Variants in SORL1 observed in about 807,000 individuals in gnomAD.
SORL1 encodes the protein sortilin related receptor 1, also known as sortilin-related receptor.
SORL1 carries 127 observed loss-of-function variants against 273.7 expected under a neutral mutation model. That is an observed-to-expected ratio of 0.46 (90% CI 0.40 to 0.54). The LOEUF (loss-of-function observed/expected upper bound fraction) is 0.54. Among genes scored for constraint, SORL1 ranks in the 20% least tolerant of loss-of-function variants. SORL1 has a pLI of 0.00. For missense variants in SORL1, 2,494 were observed against 2,846.1 expected (o/e 0.88, Z 2.81); for synonymous variants, 1,031 against 1,067.4 (o/e 0.97, Z 0.66).
intron 37 of SORL1, 99 bp downstream of exon 37, chr11:121,607,389 A>G (rs1465830372): frequency 2.1e-5 from 13 of 632,846 alleles, no homozygotes; most frequent in Middle Eastern, 2.5e-4. Context: ...TGTGAGATGC[A>G]TATTAGTAAT....
chr11:121,604,702 A>G (rs1039428988), intron 33 of SORL1, among the ~76,000 whole-genome samples: 2 of 152,100 alleles, frequency 1.3e-5, no homozygotes, highest in Admixed American at 1.3e-4. Context: ...AGCATTCTCT[A>G]TGGAGAAATA....
chr11:121,554,124 G>C lies in SORL1; in HGVS notation c.2439+15G>C. The C allele has an allele frequency of 6.2e-7, 1 of 1,611,404 alleles. No homozygotes were observed. The highest frequency in any genetic ancestry group is 8.5e-7 in the Non-Finnish European group (1 of 1,178,186). On this transcript the variant is annotated intron_variant, in intron 17 of 47. Transcript: ENST00000260197. This position sits in a 1 kb window ranked among gnomAD's most constrained non-coding sequence, Gnocchi z 4.6. ...ACGTCATCCAGGTGAGTCAGCGCTTGGTCTGACTGTGGGAGCTGTGCATCG... is the reference window on the plus strand; with the variant it reads ...ACGTCATCCAGGTGAGTCAGCGCTTCGTCTGACTGTGGGAGCTGTGCATCG...
intron 5 of SORL1, among the ~76,000 whole-genome samples, chr11:121,495,675 A>C (rs1861619043): frequency 6.6e-6 from 1 of 152,098 alleles, no homozygotes; most frequent in Admixed American, 6.6e-5. Context: ...GTTCTTGAGA[A>C]TGTTAGGAGA....
intron 6 of SORL1, among the ~76,000 whole-genome samples, chr11:121,509,473 A>G (rs1591305585): frequency 3.3e-5 from 5 of 152,170 alleles, no homozygotes; most frequent in Admixed American, 3.3e-4. Flanking sequence ...GAATTTATTT[A>G]TTTAATTATT....
chr11:121,465,138 C>A (rs1041266141), intron 1 of SORL1, among the ~76,000 whole-genome samples: 5 of 152,146 alleles, frequency 3.3e-5, no homozygotes, highest in Non-Finnish European at 7.4e-5. Context: ...TGAAATAAAA[C>A]CCCTTACCCA....
At chr11:121,612,878 C>A in intron 40 of SORL1, 46 bp downstream of exon 40, 1 of 1,372,722 alleles carries the variant, frequency 7.3e-7, no homozygotes, top group Non-Finnish European at 1.0e-6. Context: ...AGGGGTAAGG[C>A]TGGACCAATG....
chr11:121,575,126 A>G (rs1862908191), intron 24 of SORL1, among the ~76,000 whole-genome samples: 1 of 152,176 alleles, frequency 6.6e-6, no homozygotes, highest in East Asian at 1.9e-4. Flanking sequence ...TTTAATTTCT[A>G]CTTTCTAAAG....
At chr11:121,599,413 G>A (rs1022252865) in intron 32 of SORL1, among the ~76,000 whole-genome samples, 11 of 152,272 alleles carry the variant, frequency 7.2e-5, no homozygotes, top group East Asian at 3.9e-4. Flanking sequence ...GCATGGCGGC[G>A]CATGCCTGTA....
chr11:121,623,999 G>T (rs946992840), intron 45 of SORL1, among the ~76,000 whole-genome samples: 5 of 152,226 alleles, frequency 3.3e-5, no homozygotes, highest in Admixed American at 2.0e-4. Flanking sequence ...ATCTTACATG[G>T]CGGCAGACAA....
At chr11:121,597,059 C>G (rs1325909552) in intron 32 of SORL1, among the ~76,000 whole-genome samples, 2 of 152,192 alleles carry the variant, frequency 1.3e-5, no homozygotes, top group Admixed American at 6.5e-5. Context: ...ACCACTGAAT[C>G]AAGAGCAATG....
At chr11:121,467,271 T>A (rs1184995058) in intron 1 of SORL1, among the ~76,000 whole-genome samples, 1 of 152,150 alleles carries the variant, frequency 6.6e-6, no homozygotes, top group African/African-American at 2.4e-5. Flanking sequence ...AGAAAAGCCC[T>A]TGGATGTTTT....
At chr11:121,485,811 C>T (rs978009340) in intron 3 of SORL1, among the ~76,000 whole-genome samples, 3 of 152,178 alleles carry the variant, frequency 2.0e-5, no homozygotes, top group Admixed American at 1.3e-4. Context: ...TTTTTTATAA[C>T]ATTGCATTTT....
At chr11:121,559,180 T>A (rs1011625764) in intron 20 of SORL1, among the ~76,000 whole-genome samples, 9 of 152,184 alleles carry the variant, frequency 5.9e-5, no homozygotes, top group African/African-American at 2.2e-4. Context: ...TCCGGTGAGC[T>A]CTGCACCACC....
In SORL1 at chr11:121,558,931, G is replaced by A. The variant is rs1235899644; in HGVS notation, c.2910+94G>A. ...CATCCCTGGGCTTTGCAGAGAAGCTGTTTAACTTCTTAAAGGTTGCCTTTT... is the reference window on the plus strand; with the variant it reads ...CATCCCTGGGCTTTGCAGAGAAGCTATTTAACTTCTTAAAGGTTGCCTTTT... On this transcript the variant is annotated intron_variant, in intron 20 of 47. Transcript: ENST00000260197. 6.7e-6 allele frequency: 10 copies of A among 1,482,994 alleles called. No individual in the cohort carries two copies. In the South Asian group the frequency reaches 8.7e-5, roughly 13 times the overall value. 91.9% of individuals were successfully genotyped at this position (1,482,994 alleles called of 1,614,324 possible).
At chr11:121,537,310 A>G (rs1862280732) in intron 12 of SORL1, among the ~76,000 whole-genome samples, 1 of 152,186 alleles carries the variant, frequency 6.6e-6, no homozygotes, top group African/African-American at 2.4e-5. Flanking sequence ...CTAGACTTGC[A>G]TTATAGAATG....
At position 121,627,054 on chromosome 11, in the gene SORL1, C is replaced by T. The variant is rs1360446123; in HGVS notation, c.6365-501C>T. Reference sequence around the variant, plus strand: ...TTAAGTGAAAAACCTCATAAAACTTCATGAGCTGTTAAGTCTGTATTGTGG... The same window carrying T: ...TTAAGTGAAAAACCTCATAAAACTTTATGAGCTGTTAAGTCTGTATTGTGG... On this transcript the variant is annotated intron_variant, in intron 46 of 47. Transcript: ENST00000260197. The surrounding 1 kb of genome is among the most constrained non-coding windows in gnomAD (Gnocchi z 4.9). The T allele has an allele frequency of 6.5e-6, 1 of 153,674 alleles. No homozygotes were observed. Among genetic ancestry groups the T allele is most frequent in the African/African-American group, 2.4e-5 (1 of 41,454 alleles). The allele number at this position is 153,674 out of a possible 1,614,324, so 9.5% of individuals were successfully genotyped here.
chr11:121,613,034 C>T (rs1043148784), intron 40 of SORL1, among the ~76,000 whole-genome samples: 5 of 152,180 alleles, frequency 3.3e-5, no homozygotes, highest in African/African-American at 1.2e-4. Flanking sequence ...AGTGGCCCCT[C>T]GAGCCCTCCT....
chr11:121,536,427 G>GTTTT (rs1222441901), intron 12 of SORL1, among the ~76,000 whole-genome samples: 6 of 128,638 alleles, frequency 4.7e-5, no homozygotes, highest in Non-Finnish European at 8.3e-5. Context: ...TTATCACTGT[G>GTTTT]TTTTTTTTTT....
intron 5 of SORL1, among the ~76,000 whole-genome samples, chr11:121,492,127 G>A (rs1159956548): frequency 2.0e-5 from 3 of 152,074 alleles, no homozygotes; most frequent in Non-Finnish European, 4.4e-5. Flanking sequence ...TTGGGAGGCC[G>A]AGGTGGGTGG....
Sources: allele counts gnomAD v4.1 joint callset (sites outside exome capture counted in the v4.1 genomes callset), GRCh38; gene constraint gnomAD v4.1.1; non-coding constraint Gnocchi (gnomAD v3.1); transcripts MANE v1.5; gene names NCBI Gene and HGNC (gene_info 2026-07-23, HGNC 2026-07-21).